The following MTFR1 variants were observed in gnomAD, a reference collection of about 807,000 sequenced individuals.
MTFR1 encodes the protein mitochondrial fission regulator 1.
Under a neutral mutation model 38.8 loss-of-function variants are expected in MTFR1, and 28 were observed. The ratio of observed to expected loss-of-function variants is 0.72; its 90% CI spans 0.53 to 0.99. The LOEUF is 0.99. Among genes scored for constraint, MTFR1 ranks in the 50% least tolerant of loss-of-function variants. The probability of loss-of-function intolerance (pLI) is 0.00; values close to 1 mark genes in which losing one functional copy is unlikely to be tolerated. For synonymous variants in MTFR1, 145 were observed against 137.0 expected, an observed-to-expected ratio of 1.06 and a Z score of -0.41; for missense variants, 358 against 395.5, an observed-to-expected ratio of 0.91 and a Z score of 0.81.
intron 3 of MTFR1, among the ~76,000 whole-genome samples, chr8:65,762,022 C>T (rs538313539): frequency 1.3e-5 from 2 of 152,280 alleles, no homozygotes; most frequent in Admixed American, 6.5e-5. Flanking sequence ...TAACAGTCCA[C>T]GAGAGGGAGC....
chr8:65,708,856 A>C lies in MTFR1; in HGVS notation c.934-120A>C, dbSNP rs1805860876. ...TTGTAAAGGTTTTAATATTCCCAGTAGTTGCTTGGTTTTTCATGCAGAACA... is the reference window on the plus strand; with the variant it reads ...TTGTAAAGGTTTTAATATTCCCAGTCGTTGCTTGGTTTTTCATGCAGAACA... On this transcript the variant is annotated intron_variant, in intron 7 of 7. Coordinates refer to ENST00000262146, the MANE Select transcript of MTFR1 (RefSeq NM_014637.4). The C allele has an allele frequency of 4.8e-6, 4 of 838,782 alleles. No homozygotes were observed. In the Admixed American group the frequency reaches 6.4e-5, roughly 13 times the overall value. The allele number at this position is 838,782 out of a possible 1,614,324, so 52.0% of individuals were successfully genotyped here.
intron 3 of MTFR1, among the ~76,000 whole-genome samples, chr8:65,747,444 CTACTT>C (rs1391721364): frequency 1.3e-5 from 2 of 152,094 alleles, no homozygotes; most frequent in South Asian, 2.1e-4. Context: ...AACATTGTCA[CTACTT>C]TAGTTATTTC....
rs553260839 is a variant in MTFR1 at position 65,703,419 on chromosome 8, GTTTTTTTTTTTTTTT to G, written c.282-1257_282-1243del. ...GGTACATCCATGCTTGATGTCTCTG[GTTTTTTTTTTTTTTT>G]TTTTTTTTTTTTTTTTTGAGATGGA... On this transcript the variant is annotated intron_variant, in intron 4 of 7. Transcript: ENST00000262146. 4.2e-3 allele frequency among the ~76,000 whole-genome samples: 212 copies of G among 50,968 alleles called. 1 individual carries two copies. The highest frequency in any genetic ancestry group is 4.8e-3 in the Non-Finnish European group (139 of 29,100). The allele number at this position is 50,968 out of a possible 152,430, so 33.4% of individuals were successfully genotyped here.
At chr8:65,723,463 A>T in intron 3 of MTFR1, 2 of 1,241,398 alleles carry the variant, frequency 1.6e-6, no homozygotes, top group Non-Finnish European at 2.1e-6. Context: ...TTAATATTTT[A>T]TATTTCAAAT....
chr8:65,713,979 C>T (rs1349980618), downstream of MTFR1, among the ~76,000 whole-genome samples: 3 of 151,980 alleles, frequency 2.0e-5, no homozygotes, highest in Non-Finnish European at 2.9e-5. Context: ...TGAGCCACCA[C>T]ACCCAGCCAA....
At chr8:65,734,091 A>T (rs749679781) in intron 3 of MTFR1, among the ~76,000 whole-genome samples, 19 of 152,196 alleles carry the variant, frequency 1.2e-4, no homozygotes, top group African/African-American at 2.4e-5. Context: ...CCTCTATATT[A>T]GGATGTCAAA....
At chr8:65,746,794 A>G (rs1339891689) in intron 3 of MTFR1, among the ~76,000 whole-genome samples, 1 of 152,172 alleles carries the variant, frequency 6.6e-6, no homozygotes, top group East Asian at 1.9e-4. Context: ...AGCAGGCATG[A>G]ACGCTTTCCA....
chr8:65,708,059 C>A, intron 7 of MTFR1, 48 bp downstream of exon 7: 1 of 1,606,760 alleles, frequency 6.2e-7, no homozygotes, highest in South Asian at 1.1e-5. Flanking sequence ...AAATCCATCC[C>A]ATTGCCAAGC....
intron 3 of MTFR1, chr8:65,727,004 G>A (rs181000197): frequency 9.1e-5 from 107 of 1,175,230 alleles, no homozygotes; most frequent in African/African-American, 5.9e-4. Flanking sequence ...TTAATGATAC[G>A]TCTCTTTCTG....
Position 65,698,251 on chromosome 8 carries a change from C to A in MTFR1, c.281+4492C>A, listed in dbSNP as rs114443022. On this transcript the variant is annotated intron_variant, in intron 4 of 7. Coordinates refer to ENST00000262146, the MANE Select transcript of MTFR1 (RefSeq NM_014637.4). ...GTAACCTCTGCCTCCTGGGCTCAAG[C>A]GATCCTCTCACCTTAACCTCCTAAG... Among the ~76,000 whole-genome samples the A allele has an allele frequency of 6.1e-3, 922 of 150,996 alleles. 9 individuals are homozygous for A. The highest frequency in any genetic ancestry group is 0.022 in the African/African-American group (890 of 41,110).
intron 3 of MTFR1, among the ~76,000 whole-genome samples, chr8:65,741,350 C>T (rs1807426078): frequency 6.6e-6 from 1 of 151,972 alleles, no homozygotes; most frequent in South Asian, 2.1e-4. Context: ...CATACTAGTC[C>T]CAAATTGAAA....
chr8:65,690,731 T>C (rs1438299105), intron 3 of MTFR1, among the ~76,000 whole-genome samples: 1 of 152,186 alleles, frequency 6.6e-6, no homozygotes, highest in Non-Finnish European at 1.5e-5. Flanking sequence ...AGAATTTTTA[T>C]TTCTAAACAA....
At chr8:65,733,465 TA>T (rs1450718458) in intron 3 of MTFR1, among the ~76,000 whole-genome samples, 3 of 152,074 alleles carry the variant, frequency 2.0e-5, no homozygotes, top group Non-Finnish European at 2.9e-5. Flanking sequence ...AAGTTTAATT[TA>T]AAAATTGGGG....
At chr8:65,699,935 A>G (rs1663513351) in intron 4 of MTFR1, among the ~76,000 whole-genome samples, 1 of 152,174 alleles carries the variant, frequency 6.6e-6, no homozygotes, top group African/African-American at 2.4e-5. Flanking sequence ...TTCTATAACA[A>G]TTATTTATAA....
chr8:65,743,043 T>C (rs1180444006), intron 3 of MTFR1, among the ~76,000 whole-genome samples: 1 of 152,208 alleles, frequency 6.6e-6, no homozygotes, highest in Admixed American at 6.5e-5. Context: ...TATGTACTTT[T>C]TAAAAATAAA....
At chr8:65,732,459 G>A (rs1435735263) in intron 3 of MTFR1, among the ~76,000 whole-genome samples, 1 of 152,222 alleles carries the variant, frequency 6.6e-6, no homozygotes. Context: ...GATGCTCAAA[G>A]AGTATAAAAC....
chr8:65,768,616 A>G (rs1407178953), intron 3 of MTFR1, among the ~76,000 whole-genome samples: 2 of 152,216 alleles, frequency 1.3e-5, no homozygotes, highest in Admixed American at 1.3e-4. Context: ...GTAAAAACAG[A>G]CTAATACAAA....
In MTFR1 at chr8:65,767,074, A is replaced by T. The variant is rs910413703; in HGVS notation, c.*49-3873A>T. Among the ~76,000 whole-genome samples, 8 of 152,180 alleles carry T rather than the reference A, an allele frequency of 5.3e-5. No individual in the cohort carries two copies. In the East Asian group the frequency reaches 1.3e-3, roughly 26 times the overall value. ...TACATCCAACTGAATCTTGTTTTTT[A>T]AAAAAGGTATATATTAAATACGTCA... On this transcript the variant is annotated intron_variant, in intron 3 of 3. Transcript: ENST00000521247.
At chr8:65,748,282 T>G (rs1282620335) in intron 3 of MTFR1, among the ~76,000 whole-genome samples, 2 of 152,196 alleles carry the variant, frequency 1.3e-5, no homozygotes, top group African/African-American at 4.8e-5. Flanking sequence ...GAGGTATCAT[T>G]TCAAATATTT....
Sources: allele counts gnomAD v4.1 joint callset (sites outside exome capture counted in the v4.1 genomes callset), GRCh38; gene constraint gnomAD v4.1.1; transcripts MANE v1.5; gene names NCBI Gene and HGNC (gene_info 2026-07-23, HGNC 2026-07-21).